The following ARL8B variants were observed in gnomAD, a reference collection of about 807,000 sequenced individuals.
ARL8B encodes the protein ADP-ribosylation factor-like protein 8B.
ARL8B carries 9 observed loss-of-function variants against 30.6 expected under a neutral mutation model. That is an observed-to-expected ratio of 0.29 (90% CI 0.18 to 0.51). The LOEUF (loss-of-function observed/expected upper bound fraction) is 0.51, where lower values mean the gene tolerates loss of function less well. Ranked by LOEUF, ARL8B falls within the 20% of genes least tolerant of loss-of-function variation. The probability of loss-of-function intolerance (pLI) is 0.97; values close to 1 mark genes in which losing one functional copy is unlikely to be tolerated. For synonymous variants in ARL8B, 74 were observed against 76.0 expected (o/e 0.97, Z 0.14); for missense variants, 130 against 227.2 (o/e 0.57, Z 2.75).
chr3:5,122,292 A>T lies in ARL8B; in HGVS notation c.-174A>T. The T allele has an allele frequency of 6.7e-7, 1 of 1,497,026 alleles. No homozygotes were observed. 92.7% of individuals were successfully genotyped at this position (1,497,026 alleles called of 1,614,324 possible). On this transcript the variant is annotated 5_prime_UTR_variant, in exon 1 of 7. Coordinates refer to ENST00000256496, the MANE Select transcript of ARL8B (RefSeq NM_018184.3). ...ACGGGCGTGGGGGGTAGGGCGAGTC[A>T]TATGATCCGCTCGGCTTCCTGGGTC...
intron 1 of ARL8B, among the ~76,000 whole-genome samples, chr3:5,161,602 C>CA (rs2054581450): frequency 1.3e-5 from 2 of 152,172 alleles, no homozygotes; most frequent in African/African-American, 4.8e-5. Context: ...GGAGAAGTGG[C>CA]AGTAAGGAGA....
chr3:5,134,319 A>C (rs1216236870), intron 1 of ARL8B, among the ~76,000 whole-genome samples: 1 of 152,230 alleles, frequency 6.6e-6, no homozygotes, highest in Non-Finnish European at 1.5e-5. Context: ...ATTTATGTAC[A>C]TGAATCTGTG....
intron 1 of ARL8B, among the ~76,000 whole-genome samples, chr3:5,131,209 T>G (rs2054280174): frequency 6.6e-6 from 1 of 151,480 alleles, no homozygotes; most frequent in Non-Finnish European, 1.5e-5. Flanking sequence ...CCGGCCACCA[T>G]TTTCTTGAAA....
intron 1 of ARL8B, among the ~76,000 whole-genome samples, chr3:5,123,101 T>C (rs1441452311): frequency 6.6e-6 from 1 of 152,220 alleles, no homozygotes; most frequent in East Asian, 1.9e-4. Flanking sequence ...TCCTGAATTC[T>C]GTGGGCCGCT....
chr3:5,138,746 T>G (rs978740382), intron 1 of ARL8B, among the ~76,000 whole-genome samples: 2 of 152,212 alleles, frequency 1.3e-5, no homozygotes, highest in African/African-American at 4.8e-5. Context: ...TAGAAGGCAC[T>G]GCAGTTTGGA....
chr3:5,162,888 A>G (rs2054593938), intron 1 of ARL8B, among the ~76,000 whole-genome samples: 1 of 151,722 alleles, frequency 6.6e-6, no homozygotes, highest in Non-Finnish European at 1.5e-5. Context: ...AGTACCCAAT[A>G]GATAGTTTTT....
intron 1 of ARL8B, among the ~76,000 whole-genome samples, chr3:5,147,312 T>C (rs1192192129): frequency 6.6e-6 from 1 of 152,148 alleles, no homozygotes; most frequent in Admixed American, 6.5e-5. Context: ...AGAATGATGG[T>C]TTCCAGCTTC....
rs150386610 is a variant in ARL8B, at chr3:5,133,005, A to G, written c.123+10417A>G. Reference sequence around the variant, plus strand: ...AGAGTAGAGGAATTTCATTTATTCAACAAATATGTCAAGCAGTGTTTTGGG... The same window carrying G: ...AGAGTAGAGGAATTTCATTTATTCAGCAAATATGTCAAGCAGTGTTTTGGG... On this transcript the variant is annotated intron_variant, in intron 1 of 6. Transcript: ENST00000256496. 2.7e-4 allele frequency among the ~76,000 whole-genome samples: 41 copies of G among 152,312 alleles called. 1 individual carries two copies. In the East Asian group the frequency reaches 4.8e-3, roughly 18 times the overall value.
intron 4 of ARL8B, among the ~76,000 whole-genome samples, chr3:5,173,327 T>G (rs1437397585): frequency 6.6e-6 from 1 of 152,172 alleles, no homozygotes; most frequent in Non-Finnish European, 1.5e-5. Context: ...GAATTTGCAT[T>G]TGGATTAGGA....
intron 4 of ARL8B, among the ~76,000 whole-genome samples, 198 bp from the exon 5 acceptor site, chr3:5,173,819 G>GC (rs1353393282): frequency 6.6e-6 from 1 of 152,228 alleles, no homozygotes; most frequent in Non-Finnish European, 1.5e-5. Flanking sequence ...TGAATTAAGA[G>GC]CACCTGCATG....
At chr3:5,175,125 T>A (rs563254223) in intron 6 of ARL8B, among the ~76,000 whole-genome samples, 1 of 152,064 alleles carries the variant, frequency 6.6e-6, no homozygotes, top group African/African-American at 2.4e-5. Flanking sequence ...CAGCAAAAAA[T>A]TTTTTAAAAA....
intron 1 of ARL8B, chr3:5,157,777 G>C (rs1321529044): frequency 1.3e-5 from 2 of 152,134 alleles, no homozygotes; most frequent in Non-Finnish European, 2.9e-5. Flanking sequence ...ACCAGAAAGA[G>C]AAATCTCCTC....
intron 1 of ARL8B, among the ~76,000 whole-genome samples, chr3:5,130,031 T>A (rs1224053963): frequency 1.3e-5 from 2 of 150,792 alleles, no homozygotes; most frequent in Non-Finnish European, 3.0e-5. Context: ...ACACAGCTAG[T>A]TTTTGTATTT....
chr3:5,162,228 A>G (rs375482570), intron 1 of ARL8B, among the ~76,000 whole-genome samples: 1 of 152,230 alleles, frequency 6.6e-6, no homozygotes, highest in African/African-American at 2.4e-5. Context: ...CCACTTCTTC[A>G]TCTATGCAGA....
intron 1 of ARL8B, among the ~76,000 whole-genome samples, chr3:5,155,758 T>C (rs2054527189): frequency 6.6e-6 from 1 of 151,358 alleles, no homozygotes; most frequent in African/African-American, 2.4e-5. Flanking sequence ...CTGAACACTT[T>C]CTTTTTGGCA....
chr3:5,127,901 A>G (rs550205416), intron 1 of ARL8B, among the ~76,000 whole-genome samples: 6 of 144,172 alleles, frequency 4.2e-5, no homozygotes, highest in Admixed American at 4.2e-4. Flanking sequence ...AAAAAAAAAA[A>G]GCGGAGGGCC....
intron 1 of ARL8B, among the ~76,000 whole-genome samples, chr3:5,128,124 C>CT (rs1436737657): frequency 2.1e-5 from 3 of 139,622 alleles, no homozygotes; most frequent in Non-Finnish European, 4.5e-5. Context: ...AATTGAGCGA[C>CT]TGCACTCCAG....
intron 1 of ARL8B, among the ~76,000 whole-genome samples, chr3:5,132,279 G>C (rs1400073774): frequency 6.6e-6 from 1 of 151,516 alleles, no homozygotes; most frequent in African/African-American, 2.4e-5. Flanking sequence ...TTTTGAGGCA[G>C]AGTCTCACTC....
intron 1 of ARL8B, among the ~76,000 whole-genome samples, chr3:5,142,175 A>G (rs1022953979): frequency 3.3e-5 from 5 of 152,156 alleles, no homozygotes; most frequent in African/African-American, 1.2e-4. Context: ...TCCTTTTCCC[A>G]TAGTACCACC....
Sources: allele counts gnomAD v4.1 joint callset (sites outside exome capture counted in the v4.1 genomes callset), GRCh38; gene constraint gnomAD v4.1.1; transcripts MANE v1.5; gene names NCBI Gene and HGNC (gene_info 2026-07-23, HGNC 2026-07-21).